TAB2: variants seen among roughly 807,000 people sequenced by gnomAD.
TAB2 encodes the protein TGF-beta-activated kinase 1 and MAP3K7-binding protein 2.
A neutral mutation model predicts 65.0 loss-of-function variants in TAB2; 3 were observed. That is an observed-to-expected ratio of 0.05 (90% confidence interval 0.02 to 0.12). The LOEUF (loss-of-function observed/expected upper bound fraction) is 0.12. TAB2 is among the 10% of genes least tolerant of loss of function. TAB2 has a pLI of 1.00. For synonymous variants in TAB2, 298 were observed against 285.1 expected, an observed-to-expected ratio of 1.05 and a Z score of -0.46; for missense variants, 623 against 840.3, an observed-to-expected ratio of 0.74 and a Z score of 3.20.
intron 1 of TAB2, among the ~76,000 whole-genome samples, chr6:149,239,917 A>G (rs1367350822): frequency 6.6e-6 from 1 of 152,218 alleles, no homozygotes; most frequent in Middle Eastern, 3.2e-3. Flanking sequence ...GCACAGGACC[A>G]AGGCCAGTCT....
chr6:149,249,331 T>C (rs569125248), intron 1 of TAB2, among the ~76,000 whole-genome samples: 3 of 152,252 alleles, frequency 2.0e-5, no homozygotes, highest in South Asian at 2.1e-4. Flanking sequence ...CTCTTCAGCA[T>C]TGGACCCTCA....
chr6:149,226,320 C>G (rs923526603), intron 1 of TAB2, among the ~76,000 whole-genome samples: 1 of 152,080 alleles, frequency 6.6e-6, no homozygotes, highest in Non-Finnish European at 1.5e-5. Context: ...TGCGAGGACC[C>G]GCGTGCTTCC....
intron 3 of TAB2, among the ~76,000 whole-genome samples, chr6:149,382,860 G>C (rs1374847381): frequency 2.0e-5 from 3 of 151,706 alleles, no homozygotes; most frequent in Non-Finnish European, 4.4e-5. Context: ...ACAACAAGTA[G>C]AAATAACTTA....
chr6:149,290,861 AAAG>A (rs1224688344), intron 1 of TAB2, among the ~76,000 whole-genome samples: 6 of 152,226 alleles, frequency 3.9e-5, no homozygotes, highest in South Asian at 4.1e-4. Context: ...CAAAAATAAA[AAAG>A]AAGAAGAAGA....
intron 1 of TAB2, among the ~76,000 whole-genome samples, chr6:149,281,310 G>A (rs1778568885): frequency 6.6e-6 from 1 of 152,038 alleles, no homozygotes; most frequent in African/African-American, 2.4e-5. Flanking sequence ...GATATCCCTT[G>A]AAAGTAGACT....
chr6:149,382,685 A>C (rs192817362), intron 3 of TAB2, among the ~76,000 whole-genome samples: 4 of 152,316 alleles, frequency 2.6e-5, no homozygotes, highest in Admixed American at 2.6e-4. Flanking sequence ...GATTTTCATA[A>C]TAAACCCTCT....
chr6:149,254,050 G>GAAA (rs1777940128), intron 1 of TAB2, among the ~76,000 whole-genome samples: 2 of 132,696 alleles, frequency 1.5e-5, no homozygotes, highest in Non-Finnish European at 3.2e-5. Context: ...AAAGAAAGAG[G>GAAA]GAGAGAGGGA....
At chr6:149,219,144 A>G (rs1454896554) in intron 1 of TAB2, among the ~76,000 whole-genome samples, 5 of 152,184 alleles carry the variant, frequency 3.3e-5, no homozygotes, top group Admixed American at 3.3e-4. Flanking sequence ...TAGTTAAAGG[A>G]CATACAGAAC....
At chr6:149,390,140 A>G (rs1201982415) in intron 3 of TAB2, among the ~76,000 whole-genome samples, 1 of 152,240 alleles carries the variant, frequency 6.6e-6, no homozygotes. Context: ...ATACAGTGAT[A>G]TATAAAACAG....
At chr6:149,304,926 G>T in intron 1 of TAB2, among the ~76,000 whole-genome samples, 1 of 151,064 alleles carries the variant, frequency 6.6e-6, no homozygotes, top group South Asian at 2.1e-4. Context: ...ATCATCTCTA[G>T]ATTATTTATA....
intron 1 of TAB2, among the ~76,000 whole-genome samples, chr6:149,286,026 A>G (rs1046908827): frequency 1.3e-5 from 2 of 152,180 alleles, no homozygotes; most frequent in East Asian, 1.9e-4. Flanking sequence ...AAGGACCACA[A>G]ATATATTTTA....
At chr6:149,314,795 G>A (rs72999862), upstream of TAB2, among the ~76,000 whole-genome samples, 64 of 151,844 alleles carry the variant, frequency 4.2e-4, no homozygotes, top group Non-Finnish European at 8.5e-4. Flanking sequence ...ACAGCCCCAG[G>A]TAGCAAGTGG....
chr6:149,257,805 T>G (rs60404972), intron 1 of TAB2, among the ~76,000 whole-genome samples: 2 of 151,872 alleles, frequency 1.3e-5, no homozygotes, highest in African/African-American at 4.8e-5. Context: ...TCATAGCTCC[T>G]GGGGGAGCAA....
At chr6:149,263,917 G>A (rs1371972994) in intron 1 of TAB2, among the ~76,000 whole-genome samples, 3 of 152,178 alleles carry the variant, frequency 2.0e-5, no homozygotes, top group Admixed American at 1.3e-4. Context: ...TTGGAAACTG[G>A]AGAGTCTGGC....
chr6:149,296,563 G>C (rs918522240), intron 1 of TAB2, among the ~76,000 whole-genome samples: 4 of 152,054 alleles, frequency 2.6e-5, no homozygotes, highest in Non-Finnish European at 4.4e-5. Flanking sequence ...GTCTTCAGCT[G>C]GGGGAAGGAG....
At chr6:149,403,247 A>AAAT (rs1554265371) in intron 6 of TAB2, among the ~76,000 whole-genome samples, 1 of 44,034 alleles carries the variant, frequency 2.3e-5, no homozygotes, top group African/African-American at 1.2e-4. Context: ...AAAAAAAAAA[A>AAAT]ATATATATAT....
chr6:149,268,276 C>T (rs1322038269), intron 1 of TAB2, among the ~76,000 whole-genome samples: 1 of 152,184 alleles, frequency 6.6e-6, no homozygotes, highest in African/African-American at 2.4e-5. Context: ...TGCTCCACCC[C>T]AGCCATCCCA....
At chr6:149,402,438 C>A (rs1030329788) in intron 6 of TAB2, among the ~76,000 whole-genome samples, 1 of 151,994 alleles carries the variant, frequency 6.6e-6, no homozygotes, top group Non-Finnish European at 1.5e-5. Context: ...GAGATTGAAT[C>A]AGTAATCAAA....
At chr6:149,229,475 A>C (rs1443847627) in intron 1 of TAB2, among the ~76,000 whole-genome samples, 1 of 152,002 alleles carries the variant, frequency 6.6e-6, no homozygotes, top group Non-Finnish European at 1.5e-5. Flanking sequence ...TGCTGACAAC[A>C]GTGGGGAGTC....
Sources: allele counts gnomAD v4.1 joint callset (sites outside exome capture counted in the v4.1 genomes callset), GRCh38; gene constraint gnomAD v4.1.1; transcripts MANE v1.5; gene names NCBI Gene and HGNC (gene_info 2026-07-23, HGNC 2026-07-21).